The following PLCL2 variants were observed in gnomAD, a reference collection of about 807,000 sequenced individuals.
The protein encoded by PLCL2 is inactive phospholipase C-like protein 2.
In PLCL2, 4 loss-of-function variants were observed where a neutral mutation model predicts 79.6. That is an observed-to-expected ratio of 0.05 (90% CI 0.02 to 0.11). The LOEUF (loss-of-function observed/expected upper bound fraction) is 0.11, where lower values mean the gene tolerates loss of function less well. PLCL2 is among the 10% of genes least tolerant of loss of function. The probability of loss-of-function intolerance (pLI) is 1.00; values close to 1 mark genes in which losing one functional copy is unlikely to be tolerated. For synonymous variants in PLCL2, 484 were observed against 457.7 expected, an observed-to-expected ratio of 1.06 and a Z score of -0.73; for missense variants, 895 against 1,291.0, an observed-to-expected ratio of 0.69 and a Z score of 4.70.
At chr3:16,990,402 G>A (rs1575574310) in intron 1 of PLCL2, among the ~76,000 whole-genome samples, 2 of 152,152 alleles carry the variant, frequency 1.3e-5, no homozygotes, top group South Asian at 2.1e-4. Flanking sequence ...CTGCATTGGT[G>A]GTCAGAGGCC....
chr3:16,949,201 TGAAA>T (rs886681502), intron 1 of PLCL2, among the ~76,000 whole-genome samples: 42 of 141,956 alleles, frequency 3.0e-4, no homozygotes, highest in African/African-American at 9.7e-4. Context: ...TAATAGAAAA[TGAAA>T]GATAGAATTG....
chr3:16,971,102 A>C (rs2063861002), intron 1 of PLCL2, among the ~76,000 whole-genome samples: 1 of 151,148 alleles, frequency 6.6e-6, no homozygotes, highest in Non-Finnish European at 1.5e-5. Context: ...TTTTGTTGCC[A>C]TTGCTTTTGG....
chr3:17,046,915 T>A (rs1321674198), intron 4 of PLCL2, among the ~76,000 whole-genome samples: 22 of 152,236 alleles, frequency 1.4e-4, no homozygotes, highest in Admixed American at 1.4e-3. Context: ...AACGCTTAGA[T>A]CTCTGTGTCC....
intron 1 of PLCL2, among the ~76,000 whole-genome samples, chr3:16,925,914 T>C (rs1697237528): frequency 6.6e-6 from 1 of 152,234 alleles, no homozygotes; most frequent in Admixed American, 6.5e-5. Flanking sequence ...ATGGGTTCTA[T>C]GGTAACTCTA....
At chr3:17,000,677 T>A in intron 1 of PLCL2, among the ~76,000 whole-genome samples, 1 of 152,158 alleles carries the variant, frequency 6.6e-6, no homozygotes, top group African/African-American at 2.4e-5. Flanking sequence ...TGAGTACATG[T>A]GACATTCGTC....
Position 17,014,594 on chromosome 3 carries a change from T to C in PLCL2, c.2815-114T>C, listed in dbSNP as rs78150436. ...ATTAGCCAATTCTGTTATAACACTG[T>C]TAATAACTTTTGTACCAGGTGGTTC... On this transcript the variant is annotated intron_variant, in intron 2 of 5. Transcript: ENST00000615277. 6,628 of 806,792 alleles carry C rather than the reference T, an allele frequency of 8.2e-3. 330 individuals carry two copies. In the African/African-American group the frequency reaches 0.1, roughly 12 times the overall value. The allele number at this position is 806,792 out of a possible 1,614,324, so 50.0% of individuals were successfully genotyped here.
At chr3:17,040,157 A>G (rs1349235407) in intron 3 of PLCL2, among the ~76,000 whole-genome samples, 1 of 152,156 alleles carries the variant, frequency 6.6e-6, no homozygotes, top group African/African-American at 2.4e-5. Context: ...TCTAGGGTAC[A>G]TGTGCTTCAT....
intron 1 of PLCL2, among the ~76,000 whole-genome samples, chr3:16,964,094 G>C (rs1384023931): frequency 6.6e-6 from 1 of 151,944 alleles, no homozygotes; most frequent in South Asian, 2.1e-4. Context: ...ACATATGTAT[G>C]CATGTGCCAT....
intron 4 of PLCL2, among the ~76,000 whole-genome samples, chr3:17,043,626 TA>T (rs532994061): frequency 0.15 from 21,298 of 146,194 alleles, 1,782 homozygotes; most frequent in African/African-American, 0.24. Flanking sequence ...TTTCAAGTCA[TA>T]AAAAAAAAAA....
Position 17,014,714 on chromosome 3 carries a change from G to T in PLCL2, c.2821G>T (p.Val941Leu). Residue 941 changes from valine to leucine, a missense_variant, in exon 3 of 6, where the codon GTG (valine) becomes TTG (leucine). Transcript: ENST00000615277. ...TDLRENMQNA[V>L]VSFKELCGLS... ...CTTTCATTCCATTTAACAGAATGCG[G>T]TGGTGTCATTCAAGGAGCTGTGTGG... The T allele has an allele frequency of 6.2e-7, 1 of 1,611,746 alleles. No individual in the cohort carries two copies. The highest frequency in any genetic ancestry group is 1.3e-5 in the African/African-American group (1 of 75,006).
intron 1 of PLCL2, among the ~76,000 whole-genome samples, chr3:16,917,943 A>G (rs968874314): frequency 1.4e-4 from 22 of 152,176 alleles, no homozygotes; most frequent in Non-Finnish European, 7.3e-5. Flanking sequence ...TGATTCCATA[A>G]TGCCAGACTT....
At chr3:17,059,378 CAA>C (rs57060253) in intron 4 of PLCL2, among the ~76,000 whole-genome samples, 60,964 of 111,522 alleles carry the variant, frequency 0.55, 13,872 homozygotes, top group East Asian at 0.65. Flanking sequence ...GAATCTGTCT[CAA>C]AAAAAAAAAA....
intron 1 of PLCL2, among the ~76,000 whole-genome samples, chr3:16,957,511 T>G (rs1243544121): frequency 6.6e-6 from 1 of 152,196 alleles, no homozygotes; most frequent in African/African-American, 2.4e-5. Flanking sequence ...TTCTGTTGAT[T>G]TGGGGTGGAC....
At chr3:16,974,477 G>A (rs1489928408) in intron 1 of PLCL2, among the ~76,000 whole-genome samples, 2 of 152,310 alleles carry the variant, frequency 1.3e-5, no homozygotes, top group South Asian at 2.1e-4. Flanking sequence ...TAGAAAAATG[G>A]ATAGTGGAAC....
At chr3:17,001,638 C>T (rs2064212445) in intron 1 of PLCL2, among the ~76,000 whole-genome samples, 1 of 151,804 alleles carries the variant, frequency 6.6e-6, no homozygotes, top group Admixed American at 6.6e-5. Context: ...GTTCTTGGTG[C>T]CTTTGTTGAA....
chr3:16,998,643 T>C (rs904833178), intron 1 of PLCL2, among the ~76,000 whole-genome samples: 4 of 152,264 alleles, frequency 2.6e-5, no homozygotes, highest in South Asian at 2.1e-4. Flanking sequence ...GTGAATTTTA[T>C]TGCAGTTTGC....
chr3:16,923,849 C>T (rs1697180953), intron 1 of PLCL2, among the ~76,000 whole-genome samples: 1 of 152,102 alleles, frequency 6.6e-6, no homozygotes, highest in Admixed American at 6.5e-5. Context: ...TCTCAAGTGA[C>T]CTATCTTCAA....
intron 3 of PLCL2, among the ~76,000 whole-genome samples, chr3:17,019,688 T>A (rs56045015): frequency 0.015 from 2,339 of 152,294 alleles, 55 homozygotes; most frequent in African/African-American, 0.053. Context: ...AAAGGCAGAT[T>A]TAATGCACTT....
chr3:17,064,409 AT>A (rs2124940666), intron 4 of PLCL2, among the ~76,000 whole-genome samples: 1 of 152,288 alleles, frequency 6.6e-6, no homozygotes, highest in East Asian at 1.9e-4. Context: ...ATATGATTAT[AT>A]CAGACAAACC....
Sources: allele counts gnomAD v4.1 joint callset (sites outside exome capture counted in the v4.1 genomes callset), GRCh38; gene constraint gnomAD v4.1.1; transcripts MANE v1.5; gene names NCBI Gene and HGNC (gene_info 2026-07-23, HGNC 2026-07-21).